The following MAP4K1 variants were observed in gnomAD, a reference collection of about 807,000 sequenced individuals.
MAP4K1 encodes MAPK/ERK kinase kinase kinase 1.
In MAP4K1, 35 loss-of-function variants were observed where a neutral mutation model predicts 122.8. The observed-to-expected ratio is 0.29, with a 90% CI of 0.22 to 0.38. The LOEUF (loss-of-function observed/expected upper bound fraction) is 0.38, where lower values mean the gene tolerates loss of function less well. MAP4K1 is among the 10% of genes least tolerant of loss of function. The pLI is 1.00. For synonymous variants in MAP4K1, 412 were observed against 421.3 expected (o/e 0.98, Z 0.27); for missense variants, 791 against 1,072.6 (o/e 0.74, Z 3.67).
In MAP4K1 at chr19:38,598,798, G is replaced by T. The variant is rs562783449; in HGVS notation, c.1669+1127C>A. On this transcript the variant is annotated intron_variant, in intron 22 of 30. Coordinates refer to ENST00000396857, the MANE Select transcript of MAP4K1 (RefSeq NM_001042600.3). ...GGGGGCTGAGACGAGTGGATCACCA[G>T]GTCAGGAGTTCGAGACCAGCCTGGC... 3.9e-5 allele frequency among the ~76,000 whole-genome samples: 6 copies of T among 152,124 alleles called. No homozygotes were observed. In the East Asian group the frequency reaches 7.7e-4, roughly 20 times the overall value.
At chr19:38,596,068 A>T in intron 26 of MAP4K1, 67 bp from the exon 27 acceptor site, 1 of 1,518,022 alleles carries the variant, frequency 6.6e-7, no homozygotes, top group East Asian at 2.3e-5. Flanking sequence ...CACCCCCAGA[A>T]GGCCAGTACC....
chr19:38,609,480 T>A lies in MAP4K1; in HGVS notation c.1006+116A>T, dbSNP rs17847703. 3.4e-5 allele frequency: 30 copies of A among 874,346 alleles called. No homozygotes were observed. In the East Asian group the frequency reaches 8.2e-4, roughly 24 times the overall value. 54.2% of individuals were successfully genotyped at this position (874,346 alleles called of 1,614,324 possible). A position where few individuals can be genotyped will look rare whatever the true frequency, so the allele number is the denominator to read the frequency against. On this transcript the variant is annotated intron_variant, in intron 13 of 30. Coordinates refer to ENST00000396857, the MANE Select transcript of MAP4K1 (RefSeq NM_001042600.3). ...CAGGTGCTGATGAGATTGTCTGGGG[T>A]CTCTTATAGGATCAGATGATGCTGA...
At chr19:38,593,247 T>C in intron 30 of MAP4K1, 35 bp downstream of exon 30, 1 of 1,596,932 alleles carries the variant, frequency 6.3e-7, no homozygotes, top group South Asian at 1.1e-5. Flanking sequence ...AGAAGCCCCC[T>C]CCCAGGTCCT....
Position 38,617,254 on chromosome 19 carries a change from AAG to A in MAP4K1, c.248+98_248+99del. On this transcript the variant is annotated intron_variant, in intron 3 of 30. Coordinates refer to ENST00000396857, the MANE Select transcript of MAP4K1 (RefSeq NM_001042600.3). This position sits in a 1 kb window ranked among gnomAD's most constrained non-coding sequence, Gnocchi z 4.1. ...ACAAGACTCCATCTCAAAAAAGAAA[AAG>A]AAAAGAAAAAAAAAGAACTGAGGGT... 1.2e-6 allele frequency: 1 copy of A among 831,452 alleles called. No individual in the cohort carries two copies. Among genetic ancestry groups the A allele is most frequent in the Non-Finnish European group, 2.0e-6 (1 of 488,878 alleles). The allele number at this position is 831,452 out of a possible 1,614,324, so 51.5% of individuals were successfully genotyped here.
In MAP4K1 at chr19:38,613,958, A is replaced by G. The variant is rs774192306; in HGVS notation, c.461-6T>C. On this transcript the variant is annotated splice_polypyrimidine_tract_variant and splice_region_variant and intron_variant, in intron 7 of 30. Coordinates refer to ENST00000396857, the MANE Select transcript of MAP4K1 (RefSeq NM_001042600.3). ...GGCCGAGATGCCAAAGTCAGCTGGAAGCAGAGGGAGACATAGTGATCTGGG... is the reference window on the plus strand; with the variant it reads ...GGCCGAGATGCCAAAGTCAGCTGGAGGCAGAGGGAGACATAGTGATCTGGG... 37 of 1,613,866 alleles carry G rather than the reference A, an allele frequency of 2.3e-5. 1 individual carries two copies. Among genetic ancestry groups the G allele is most frequent in the Non-Finnish European group, 1.2e-5 (14 of 1,179,968 alleles).
At chr19:38,600,440 A>G (rs112464560) in intron 20 of MAP4K1, among the ~76,000 whole-genome samples, 1 of 151,836 alleles carries the variant, frequency 6.6e-6, no homozygotes, top group Non-Finnish European at 1.5e-5. Context: ...CTGTCCCCCA[A>G]AATAGTCCTC....
At chr19:38,610,959 G>T in intron 11 of MAP4K1, 92 bp downstream of exon 11, 1 of 1,139,872 alleles carries the variant, frequency 8.8e-7, no homozygotes, top group Non-Finnish European at 1.3e-6. Flanking sequence ...AAGGCCACGG[G>T]GACTCCATGG....
At position 38,597,026 on chromosome 19, in the gene MAP4K1, C is replaced by A; in HGVS notation, c.1941+8G>T. 1 of 1,613,924 alleles carries A rather than the reference C, an allele frequency of 6.2e-7. No homozygotes were observed. Among genetic ancestry groups the A allele is most frequent in the Non-Finnish European group, 8.5e-7 (1 of 1,179,816 alleles). ...TCAGAGTTCCCAGCACCCTCCCAAG[C>A]CCCTTACCCGGACAAGCAGGAATTT... is the stretch of plus-strand genomic sequence containing the variant. On this transcript the variant is annotated splice_region_variant and intron_variant, in intron 25 of 30. Coordinates refer to ENST00000396857, the MANE Select transcript of MAP4K1 (RefSeq NM_001042600.3). The surrounding 1 kb of genome is among the most constrained non-coding windows in gnomAD (Gnocchi z 4.6).
intron 30 of MAP4K1, among the ~76,000 whole-genome samples, chr19:38,589,626 G>C (rs1974645315): frequency 6.6e-6 from 1 of 152,044 alleles, no homozygotes; most frequent in African/African-American, 2.4e-5. Flanking sequence ...CATTGGTCAG[G>C]CTGGTCTCAA....
At chr19:38,602,990 A>G (rs564665106) in intron 19 of MAP4K1, among the ~76,000 whole-genome samples, 12 of 143,746 alleles carry the variant, frequency 8.3e-5, no homozygotes, top group Middle Eastern at 9.8e-3. Flanking sequence ...GCATATACAT[A>G]TATACATATA....
At chr19:38,599,852 T>C in intron 22 of MAP4K1, 73 bp downstream of exon 22, 1 of 1,427,658 alleles carries the variant, frequency 7.0e-7, no homozygotes, top group Non-Finnish European at 9.9e-7. Flanking sequence ...GCTGTGCCCG[T>C]CTACTTCCCA....
Position 38,608,563 on chromosome 19 carries a change from A to C in MAP4K1, c.1007-393T>G, listed in dbSNP as rs1291725974. On this transcript the variant is annotated intron_variant, in intron 13 of 30. Transcript: ENST00000396857. ...TGTAATCCCAGCACTTTGGGAGGTG[A>C]GGCAGGCAGATCACCTGAGGTCAGG... 2.0e-5 allele frequency among the ~76,000 whole-genome samples: 3 copies of C among 151,982 alleles called. No homozygotes were observed. The South Asian group carries it at 6.2e-4, about 32-fold the overall frequency.
intron 6 of MAP4K1, 68 bp downstream of exon 6, chr19:38,614,177 G>C: frequency 6.2e-7 from 1 of 1,608,526 alleles, no homozygotes; most frequent in Non-Finnish European, 8.5e-7. Context: ...TGATCCCTGA[G>C]CCCCTGAAAT....
At chr19:38,614,351 C>T (rs1319681340) in intron 5 of MAP4K1, 39 bp downstream of exon 5, 6 of 1,613,884 alleles carry the variant, frequency 3.7e-6, no homozygotes, top group Middle Eastern at 1.7e-4. Flanking sequence ...TGGGGCCACC[C>T]TCCCCTCCCA....
In MAP4K1 at chr19:38,617,305, C is replaced by A; in HGVS notation, c.248+49G>T. On this transcript the variant is annotated intron_variant, in intron 3 of 30. Transcript: ENST00000396857. The surrounding 1 kb of genome is among the most constrained non-coding windows in gnomAD (Gnocchi z 4.1). ...GTACCCCCATCAAGAAATGGGGACT[C>A]CGGGTTAGGGGCTGGGCTGGGTGCC... 7.5e-7 allele frequency: 1 copy of A among 1,328,640 alleles called. No individual in the cohort carries two copies. The allele number at this position is 1,328,640 out of a possible 1,614,324, so 82.3% of individuals were successfully genotyped here.
rs2144739733 is a variant in MAP4K1 at position 38,612,749 on chromosome 19, G to A, written c.534-7C>T. ...TGCCACTTCCGGAGCCATCCTGGGG[G>A]CAGACACGCTCAGAGAGCCAGAGGT... On this transcript the variant is annotated splice_region_variant and splice_polypyrimidine_tract_variant and intron_variant, in intron 8 of 30. Coordinates refer to ENST00000396857, the MANE Select transcript of MAP4K1 (RefSeq NM_001042600.3). 1.2e-6 allele frequency: 2 copies of A among 1,612,388 alleles called. No homozygotes were observed. Among genetic ancestry groups the A allele is most frequent in the South Asian group, 1.1e-5 (1 of 90,954 alleles).
chr19:38,607,747 T>C, intron 16 of MAP4K1, 117 bp downstream of exon 16: 1 of 1,143,554 alleles, frequency 8.7e-7, no homozygotes, highest in Non-Finnish European at 1.3e-6. Context: ...GGCTCGGGGC[T>C]AGAAGAAAGG....
Position 38,617,559 on chromosome 19 carries a change from C to T in MAP4K1, c.157+9G>A. 1 of 1,614,034 alleles carries T rather than the reference C, an allele frequency of 6.2e-7. No homozygotes were observed. Among genetic ancestry groups the T allele is most frequent in the Non-Finnish European group, 8.5e-7 (1 of 1,179,944 alleles). On this transcript the variant is annotated intron_variant, in intron 2 of 30. Coordinates refer to ENST00000396857, the MANE Select transcript of MAP4K1 (RefSeq NM_001042600.3). This position sits in a 1 kb window ranked among gnomAD's most constrained non-coding sequence, Gnocchi z 4.1. Reference sequence around the variant, plus strand: ...GATGTGGGGAAGGAGCTCCATGTTCCCTCCTCACCAGGCTCCATCTTCACC... The same window carrying T: ...GATGTGGGGAAGGAGCTCCATGTTCTCTCCTCACCAGGCTCCATCTTCACC...
intron 3 of MAP4K1, among the ~76,000 whole-genome samples, chr19:38,616,527 G>T (rs528163302): frequency 6.6e-6 from 1 of 152,090 alleles, no homozygotes; most frequent in East Asian, 1.9e-4. Context: ...GCCGTCCCAC[G>T]CCAACCTAGG....
Sources: gnomAD v4.1 joint callset for allele counts (sites outside exome capture counted in the v4.1 genomes callset) on GRCh38, gnomAD v4.1.1 for gene constraint, Gnocchi (gnomAD v3.1) non-coding constraint, MANE v1.5 for transcripts, NCBI Gene and HGNC (gene_info 2026-07-23, HGNC 2026-07-21) for gene names.